Variants in SAMD5 observed in about 807,000 individuals in gnomAD.
The protein encoded by SAMD5 is sterile alpha motif domain-containing protein 5.
SAMD5 carries 13 observed loss-of-function variants against 11.3 expected under a neutral mutation model. That is an observed-to-expected ratio of 1.15 (90% CI 0.75 to 1.83). The LOEUF is 1.83. Among genes scored for constraint, SAMD5 ranks in the 40% most tolerant of loss-of-function variants. The pLI is 0.00. For missense variants in SAMD5, 255 were observed against 239.1 expected (o/e 1.07, Z -0.44); for synonymous variants, 129 against 111.3 (o/e 1.16, Z -1.00).
chr6:147,519,247 A>G (rs967037969), intron 1 of SAMD5, among the ~76,000 whole-genome samples: 1 of 152,190 alleles, frequency 6.6e-6, no homozygotes, highest in Non-Finnish European at 1.5e-5. Context: ...AGATGTACCT[A>G]CTGCATTTGA....
intron 1 of SAMD5, among the ~76,000 whole-genome samples, chr6:147,600,853 A>G (rs1295072571): frequency 6.6e-6 from 1 of 152,214 alleles, no homozygotes; most frequent in Non-Finnish European, 1.5e-5. Flanking sequence ...GCTATCTCGA[A>G]TCAGCTTCCT....
intron 1 of SAMD5, among the ~76,000 whole-genome samples, chr6:147,519,160 A>G (rs1041130723): frequency 2.0e-5 from 3 of 152,250 alleles, no homozygotes; most frequent in African/African-American, 7.2e-5. Flanking sequence ...TTTATTTAGC[A>G]AAGTTGTAAT....
intron 1 of SAMD5, among the ~76,000 whole-genome samples, chr6:147,721,932 C>T (rs1017692512): frequency 1.2e-4 from 18 of 151,892 alleles, no homozygotes; most frequent in Admixed American, 3.3e-4. Context: ...TATGATGTTC[C>T]AATACAGAAA....
At chr6:147,910,017 G>T in the SAMD5 span, among the ~76,000 whole-genome samples, 1 of 152,092 alleles carries the variant, frequency 6.6e-6, no homozygotes, top group Admixed American at 6.5e-5. Context: ...ACAATTTTCG[G>T]GGAGAGCAAA....
chr6:147,798,974 G>A, the SAMD5 span, among the ~76,000 whole-genome samples: 667 of 152,292 alleles, frequency 4.4e-3, 2 homozygotes, highest in Non-Finnish European at 7.6e-3. Context: ...CTACACGTGA[G>A]ATGGATTTCC....
intron 1 of SAMD5, among the ~76,000 whole-genome samples, chr6:147,549,840 G>T (rs1440305908): frequency 6.6e-6 from 1 of 151,828 alleles, no homozygotes; most frequent in African/African-American, 2.4e-5. Flanking sequence ...ATAGTAACTT[G>T]CAGAACACAA....
chr6:147,861,170 T>TC, the SAMD5 span, among the ~76,000 whole-genome samples: 6 of 140,250 alleles, frequency 4.3e-5, no homozygotes, highest in Non-Finnish European at 9.7e-5. Flanking sequence ...TGTGATTATT[T>TC]CTTTTTTTTT....
chr6:147,662,774 G>A (rs986968032), intron 1 of SAMD5, among the ~76,000 whole-genome samples: 2 of 152,116 alleles, frequency 1.3e-5, no homozygotes, highest in South Asian at 2.1e-4. Context: ...CTGCATGCAC[G>A]TAATCATTTC....
At chr6:147,772,581 T>C in the SAMD5 span, among the ~76,000 whole-genome samples, 1 of 152,148 alleles carries the variant, frequency 6.6e-6, no homozygotes, top group South Asian at 2.1e-4. Flanking sequence ...GTTGGTTTCT[T>C]CTGAGGACCA....
chr6:147,564,179 G>T (rs1267256550), intron 1 of SAMD5, among the ~76,000 whole-genome samples: 3 of 152,084 alleles, frequency 2.0e-5, no homozygotes, highest in Admixed American at 6.5e-5. Context: ...CAAAATATAG[G>T]CTTGACAAGG....
intron 1 of SAMD5, among the ~76,000 whole-genome samples, chr6:147,592,343 C>T (rs1340818239): frequency 6.6e-6 from 1 of 152,036 alleles, no homozygotes; most frequent in Admixed American, 6.6e-5. Flanking sequence ...AATGAAGAGG[C>T]AGCTAGAATG....
chr6:147,726,109 A>C (rs1791623225), intron 1 of SAMD5, among the ~76,000 whole-genome samples: 1 of 152,192 alleles, frequency 6.6e-6, no homozygotes, highest in Non-Finnish European at 1.5e-5. Context: ...TATTTGAGAA[A>C]CTACTATTGC....
At chr6:147,518,025 A>G (rs1482216820) in intron 1 of SAMD5, among the ~76,000 whole-genome samples, 3 of 152,180 alleles carry the variant, frequency 2.0e-5, no homozygotes, top group Admixed American at 6.5e-5. Context: ...TCAAAACACG[A>G]AAGTCAATTC....
chr6:147,835,232 TAA>T, the SAMD5 span, among the ~76,000 whole-genome samples: 4 of 113,518 alleles, frequency 3.5e-5, no homozygotes, highest in Non-Finnish European at 5.1e-5. Context: ...GACTCCATCT[TAA>T]AAAAAAAAAA....
chr6:147,703,596 T>C lies in SAMD5; in HGVS notation c.163-33721T>C, dbSNP rs183496930. On this transcript the variant is annotated intron_variant, in intron 1 of 1. Coordinates refer to the SAMD5 transcript ENST00000566741. ...TCTGACTTTGCTGTATTTGTTTTAT[T>C]TGGGAGAAGTGGGTGGGCAAGATAT... Among the ~76,000 whole-genome samples, 60 of 152,352 alleles carry C rather than the reference T, an allele frequency of 3.9e-4. No homozygotes were observed. The East Asian group carries it at 8.9e-3, about 23-fold the overall frequency.
chr6:147,762,755 G>C, the SAMD5 span, among the ~76,000 whole-genome samples: 4 of 152,058 alleles, frequency 2.6e-5, no homozygotes, highest in Non-Finnish European at 5.9e-5. Context: ...TTCCGGTTTA[G>C]TACTTTCACT....
intron 1 of SAMD5, among the ~76,000 whole-genome samples, chr6:147,579,454 A>ATTTTTTTTT (rs3031353): frequency 2.6e-5 from 2 of 76,918 alleles, no homozygotes; most frequent in Non-Finnish European, 4.6e-5. Flanking sequence ...CAGGCTTTGA[A>ATTTTTTTTT]TTTTTTTTTT....
the SAMD5 span, among the ~76,000 whole-genome samples, chr6:147,752,898 A>C: frequency 1.3e-5 from 2 of 152,220 alleles, no homozygotes; most frequent in African/African-American, 4.8e-5. Context: ...TTTGGAATCC[A>C]GATTTCTGCT....
In SAMD5 at chr6:147,527,720, C is replaced by T. The variant is rs572562879; in HGVS notation, c.459+18333C>T. Among the ~76,000 whole-genome samples, 182 of 152,230 alleles carry T rather than the reference C, an allele frequency of 1.2e-3. 1 individual carries two copies. Among genetic ancestry groups the T allele is most frequent in the African/African-American group, 4.2e-3 (176 of 41,550 alleles). ...TCTCAGACAAGGCTAGTCCCTTTCA[C>T]CTGTGAGCCTGTAAAATCAAAAACT... is the stretch of plus-strand genomic sequence containing the variant. On this transcript the variant is annotated intron_variant, in intron 1 of 1. Transcript: ENST00000367474.
Sources: gnomAD v4.1 joint callset for allele counts (sites outside exome capture counted in the v4.1 genomes callset) on GRCh38, gnomAD v4.1.1 for gene constraint, MANE v1.5 for transcripts, NCBI Gene and HGNC (gene_info 2026-07-23, HGNC 2026-07-21) for gene names.